The following TOP6BL variants were observed in gnomAD, a reference collection of about 807,000 sequenced individuals.
The protein encoded by TOP6BL is type 2 DNA topoisomerase 6 subunit B-like.
At chr11:66,831,248 C>T in the TOP6BL span, among the ~76,000 whole-genome samples, 57 of 152,198 alleles carry the variant, frequency 3.7e-4, no homozygotes, top group Non-Finnish European at 7.1e-4. Flanking sequence ...AGCTCTTTCA[C>T]TCCTAGGTAT....
the TOP6BL span, among the ~76,000 whole-genome samples, chr11:66,763,215 G>A: frequency 4.6e-5 from 7 of 152,284 alleles, no homozygotes; most frequent in African/African-American, 1.7e-4. Context: ...AAAAAAGAAT[G>A]AGGACTTAAA....
chr11:66,747,183 G>A, the TOP6BL span, among the ~76,000 whole-genome samples: 2 of 151,900 alleles, frequency 1.3e-5, no homozygotes, highest in Admixed American at 1.3e-4. Flanking sequence ...GTGATCCACC[G>A]CCTCAACCTC....
chr11:66,842,108 C>G, the TOP6BL span, among the ~76,000 whole-genome samples: 1 of 151,906 alleles, frequency 6.6e-6, no homozygotes, highest in African/African-American at 2.4e-5. Flanking sequence ...GAAGCTGAGG[C>G]AGTAGGATCG....
At chr11:66,753,012 C>T in the TOP6BL span, among the ~76,000 whole-genome samples, 255 of 152,062 alleles carry the variant, frequency 1.7e-3, no homozygotes, top group Non-Finnish European at 2.9e-3. Flanking sequence ...GGCTGTAGTC[C>T]TAGCTACTCC....
chr11:66,841,608 A>G, the TOP6BL span, among the ~76,000 whole-genome samples: 1 of 152,192 alleles, frequency 6.6e-6, no homozygotes, highest in Non-Finnish European at 1.5e-5. Context: ...AATTACCAAT[A>G]TATTTCACCA....
chr11:66,838,790 G>A, the TOP6BL span, among the ~76,000 whole-genome samples: 2 of 152,138 alleles, frequency 1.3e-5, no homozygotes, highest in East Asian at 3.8e-4. Flanking sequence ...GGAGTGCAGT[G>A]GCGCCATCTC....
At chr11:66,791,818 AT>A in the TOP6BL span, among the ~76,000 whole-genome samples, 992 of 138,078 alleles carry the variant, frequency 7.2e-3, 2 homozygotes, top group African/African-American at 0.013. Context: ...CTTTCTAATA[AT>A]TTTTTTTTTT....
the TOP6BL span, among the ~76,000 whole-genome samples, chr11:66,812,885 A>T: frequency 6.6e-6 from 1 of 152,088 alleles, no homozygotes; most frequent in Non-Finnish European, 1.5e-5. Context: ...TAAACATCCT[A>T]TAGTGCACAG....
chr11:66,835,180 C>T, the TOP6BL span, among the ~76,000 whole-genome samples: 4 of 151,726 alleles, frequency 2.6e-5, no homozygotes, highest in East Asian at 3.9e-4. Flanking sequence ...TATCTCAATG[C>T]GGGTAGTTCC....
At chr11:66,754,123 C>A in the TOP6BL span, among the ~76,000 whole-genome samples, 5 of 152,326 alleles carry the variant, frequency 3.3e-5, no homozygotes, top group African/African-American at 1.2e-4. Context: ...CACCAGCAGT[C>A]TCTGCTGTGG....
chr11:66,828,968 G>GTTT, the TOP6BL span, among the ~76,000 whole-genome samples: 2 of 129,212 alleles, frequency 1.5e-5, no homozygotes, highest in African/African-American at 5.5e-5. Flanking sequence ...GTGTGTGTGT[G>GTTT]TTTTTTGTTT....
chr11:66,837,645 A>G, the TOP6BL span, among the ~76,000 whole-genome samples: 3 of 143,738 alleles, frequency 2.1e-5, no homozygotes, highest in Non-Finnish European at 3.0e-5. Flanking sequence ...GAGTTTCACC[A>G]TGTTGGCCAG....
the TOP6BL span, among the ~76,000 whole-genome samples, chr11:66,771,021 G>T: frequency 6.6e-6 from 1 of 152,004 alleles, no homozygotes; most frequent in Non-Finnish European, 1.5e-5. Context: ...TCTTGGGGTT[G>T]TTCAGTACTC....
At chr11:66,828,233 A>C in the TOP6BL span, 1 of 1,512,058 alleles carries the variant, frequency 6.6e-7, no homozygotes, top group Non-Finnish European at 9.2e-7. Flanking sequence ...CCAGTACTGG[A>C]ACTCAGCATG....
At chr11:66,783,853 TCTCA>T in the TOP6BL span, among the ~76,000 whole-genome samples, 1 of 152,104 alleles carries the variant, frequency 6.6e-6, no homozygotes, top group South Asian at 2.1e-4. Flanking sequence ...TTTGGCAGGG[TCTCA>T]CTCTGTCACC....
chr11:66,744,831 CGGCGGCGGCGGCG>C, the TOP6BL span: 1 of 1,322,462 alleles, frequency 7.6e-7, no homozygotes, highest in Non-Finnish European at 9.7e-7. Context: ...GCGGCGGCGG[CGGCGGCGGCGGCG>C]GGCGGGTACC....
chr11:66,822,499 C>T, the TOP6BL span: 1 of 1,078,068 alleles, frequency 9.3e-7, no homozygotes. Flanking sequence ...TGTGGGCCCT[C>T]TGGGATTCTC....
the TOP6BL span, among the ~76,000 whole-genome samples, chr11:66,772,571 C>G: frequency 6.6e-6 from 1 of 152,234 alleles, no homozygotes; most frequent in Non-Finnish European, 1.5e-5. Context: ...GAATTCGAGA[C>G]CAGCCTCGCC....
At chr11:66,766,391 C>A in the TOP6BL span, among the ~76,000 whole-genome samples, 1 of 152,216 alleles carries the variant, frequency 6.6e-6, no homozygotes, top group African/African-American at 2.4e-5. Flanking sequence ...CCATTGTAAT[C>A]TCCCTACTCA....
Sources: allele counts gnomAD v4.1 joint callset (sites outside exome capture counted in the v4.1 genomes callset), GRCh38; gene constraint gnomAD v4.1.1; transcripts MANE v1.5; gene names NCBI Gene and HGNC (gene_info 2026-07-23, HGNC 2026-07-21).